NOL6: variants seen among roughly 807,000 people sequenced by gnomAD.
NOL6 encodes the protein nucleolar RNA-associated protein.
Under a neutral mutation model 131.7 loss-of-function variants are expected in NOL6, and 33 were observed. The observed-to-expected ratio is 0.25, with a 90% CI of 0.19 to 0.33. NOL6 has a LOEUF of 0.33. Ranked by LOEUF, NOL6 falls within the 10% of genes least tolerant of loss-of-function variation. The pLI is 1.00. For synonymous variants in NOL6, 580 were observed against 605.7 expected, an observed-to-expected ratio of 0.96 and a Z score of 0.62; for missense variants, 1,297 against 1,494.5, an observed-to-expected ratio of 0.87 and a Z score of 2.18.
At position 33,462,798 on chromosome 9, in the gene NOL6, C is replaced by T. The variant is rs761994679; in HGVS notation, c.3307G>A (p.Gly1103Arg). 1.5e-5 allele frequency: 25 copies of T among 1,613,976 alleles called. No individual in the cohort carries two copies. In the Middle Eastern group the frequency reaches 8.2e-4, roughly 53 times the overall value. Reference sequence around the variant, plus strand: ...CCACCTCGAGACATCACCATGCGCCCCTTTGTGCTGGAGGCCTGGGGAAAT... The same window carrying T: ...CCACCTCGAGACATCACCATGCGCCTCTTTGTGCTGGAGGCCTGGGGAAAT... ...PQPFKASSTK[G>R]RMVMSRGGEL... The change falls in exon 26 of 26, where the codon GGG becomes AGG. Residue 1103 changes from glycine (G) to arginine (R), a missense_variant. Transcript: ENST00000297990.
intron 1 of NOL6, among the ~76,000 whole-genome samples, chr9:33,473,218 G>A (rs1396492436): frequency 6.6e-6 from 1 of 152,200 alleles, no homozygotes; most frequent in Non-Finnish European, 1.5e-5. Flanking sequence ...GACACATTTA[G>A]CAAGTCATTA....
At position 33,465,861 on chromosome 9, in the gene NOL6, G is replaced by A. The variant is rs199616532; in HGVS notation, c.2401C>T (p.Arg801Trp). 2.0e-4 allele frequency: 329 copies of A among 1,614,020 alleles called. No homozygotes were observed. Among genetic ancestry groups the A allele is most frequent in the Non-Finnish European group, 2.4e-4 (288 of 1,179,930 alleles). ...ACCTCCTTCAGGATCTGGGGCTCCC[G>A]CTGATAGGCCACGCGAATCCGAAAC... ...FVFRIRVAYQ[R>W]EPQILKEVQS... The change falls in exon 19 of 26, where the codon CGG (arginine) becomes TGG (tryptophan). Residue 801 changes from arginine (R) to tryptophan (W), a missense_variant. Transcript: ENST00000297990.
chr9:33,464,368 C>A (rs759517491), intron 21 of NOL6, among the ~76,000 whole-genome samples: 5 of 152,110 alleles, frequency 3.3e-5, no homozygotes, highest in Non-Finnish European at 7.4e-5. Context: ...AGCCCAGAGG[C>A]AAAATTTTCC....
In NOL6 at chr9:33,466,582, A is replaced by G; in HGVS notation, c.2078T>C (p.Leu693Pro). Reference sequence around the variant, plus strand: ...GTTGCACCTCACCTCTGTGTAGCGCAGCACTGGGTGAGCTCCCTGAACAGC... The same window carrying G: ...GTTGCACCTCACCTCTGTGTAGCGCGGCACTGGGTGAGCTCCCTGAACAGC... ...VSAVQGAHPV[L>P]RYTEVFPPTP... Residue 693 changes from leucine to proline, a missense_variant, in exon 16 of 26, where the codon CTG becomes CCG. Leu to Pro is a moderately conservative substitution (Grantham distance 98). Transcript: ENST00000297990. The G allele has an allele frequency of 6.2e-7, 1 of 1,614,122 alleles. No homozygotes were observed. Among genetic ancestry groups the G allele is most frequent in the Non-Finnish European group, 8.5e-7 (1 of 1,180,022 alleles).
intron 1 of NOL6, among the ~76,000 whole-genome samples, chr9:33,473,206 A>AG (rs1827462402): frequency 6.6e-6 from 1 of 152,226 alleles, no homozygotes; most frequent in African/African-American, 2.4e-5. Context: ...TGGACCCCAG[A>AG]GGACACATTT....
intron 19 of NOL6, 40 bp downstream of exon 19, chr9:33,465,694 G>A (rs1009159774): frequency 2.5e-6 from 4 of 1,591,264 alleles, no homozygotes; most frequent in Non-Finnish European, 3.4e-6. Flanking sequence ...GGGGCAGGAG[G>A]GGGCCTACAG....
At chr9:33,469,718 G>A (rs1366079556) in intron 4 of NOL6, 51 bp from the exon 5 acceptor site, 2 of 1,580,444 alleles carry the variant, frequency 1.3e-6, no homozygotes, top group Non-Finnish European at 1.7e-6. Flanking sequence ...TGCTTGTGGA[G>A]CTGTGGGCCA....
Position 33,469,594 on chromosome 9 carries a change from G to C in NOL6, c.632C>G (p.Ala211Gly). Residue 211 changes from alanine to glycine, a missense_variant, in exon 5 of 26, where the codon GCT (alanine) becomes GGT (glycine). By Grantham distance (60) the Ala-to-Gly change is moderately conservative (BLOSUM62 0). Coordinates refer to ENST00000297990, the MANE Select transcript of NOL6 (RefSeq NM_022917.5). ...GAGGGGGTCCTGGGCCAGGTGGTGAGCCAAGTGGGCCAGGTAGAGGGCACG... is the reference window on the plus strand; with the variant it reads ...GAGGGGGTCCTGGGCCAGGTGGTGACCCAAGTGGGCCAGGTAGAGGGCACG... ...RKRALYLAHL[A>G]HHLAQDPLFG... The C allele has an allele frequency of 6.2e-7, 1 of 1,610,816 alleles. No homozygotes were observed. Among genetic ancestry groups the C allele is most frequent in the Non-Finnish European group, 8.5e-7 (1 of 1,179,122 alleles).
At chr9:33,468,673 C>T (rs527834565) in intron 8 of NOL6, 79 bp downstream of exon 8, 15 of 1,609,746 alleles carry the variant, frequency 9.3e-6, no homozygotes, top group African/African-American at 6.7e-5. Context: ...GATGGCAAAA[C>T]ACCAAAAGAC....
At chr9:33,470,283 G>T in intron 3 of NOL6, 92 bp from the exon 4 acceptor site, 1 of 1,141,890 alleles carries the variant, frequency 8.8e-7, no homozygotes, top group Non-Finnish European at 1.2e-6. Flanking sequence ...ACATCGATAT[G>T]TTTGAAACCA....
intron 3 of NOL6, 21 bp downstream of exon 3, chr9:33,471,983 T>G (rs1284081207): frequency 6.4e-7 from 1 of 1,568,954 alleles, no homozygotes. Context: ...GGCTTCCCAG[T>G]TCCCCAGGCC....
At position 33,468,585 on chromosome 9, in the gene NOL6, G is replaced by A. The variant is rs576400021; in HGVS notation, c.1148-19C>T. 1.9e-6 allele frequency: 3 copies of A among 1,613,406 alleles called. No homozygotes were observed. The highest frequency in any genetic ancestry group is 2.5e-6 in the Non-Finnish European group (3 of 1,179,342). On this transcript the variant is annotated intron_variant, in intron 8 of 25. Coordinates refer to ENST00000297990, the MANE Select transcript of NOL6 (RefSeq NM_022917.5). ...GTAGTGGCTGAAGTGAATCACAAGT[G>A]TATTAGAAGGTATCCCCTTCTGGGG...
chr9:33,465,876 G>A lies in NOL6; in HGVS notation c.2386C>T (p.Arg796Cys), dbSNP rs765219420. ...TGGGGCTCCCGCTGATAGGCCACGCGAATCCGAAACACAAATCCATCCTGT... is the reference window on the plus strand; with the variant it reads ...TGGGGCTCCCGCTGATAGGCCACGCAAATCCGAAACACAAATCCATCCTGT... The part of the protein sequence containing the change: ...VLKDGFVFRI[R>C]VAYQREPQIL... Residue 796 changes from arginine to cysteine, a missense_variant, in exon 19 of 26, where the codon CGC becomes TGC. Physicochemically the swap from Arg to Cys is radical, Grantham distance 180 (BLOSUM62 -3). Transcript: ENST00000297990. 86 of 1,613,790 alleles carry A rather than the reference G, an allele frequency of 5.3e-5. No homozygotes were observed. Among genetic ancestry groups the A allele is most frequent in the Middle Eastern group, 3.3e-4 (2 of 6,084 alleles).
At position 33,467,989 on chromosome 9, in the gene NOL6, A is replaced by G. The variant is rs747734027; in HGVS notation, c.1424+41T>C. ...TTGCCCCACCACTGTAGCCCCGAAG[A>G]GACAGGACCCGCCAACATACCCTGT... is the stretch of plus-strand genomic sequence containing the variant. On this transcript the variant is annotated intron_variant, in intron 11 of 25. Coordinates refer to ENST00000297990, the MANE Select transcript of NOL6 (RefSeq NM_022917.5). This position sits in a 1 kb window ranked among gnomAD's most constrained non-coding sequence, Gnocchi z 4.4. The G allele has an allele frequency of 3.1e-6, 5 of 1,613,762 alleles. No individual in the cohort carries two copies. The highest frequency in any genetic ancestry group is 4.2e-6 in the Non-Finnish European group (5 of 1,179,806).
intron 20 of NOL6, 36 bp from the exon 21 acceptor site, chr9:33,465,012 A>G (rs755377304): frequency 1.9e-6 from 3 of 1,555,342 alleles, no homozygotes; most frequent in Non-Finnish European, 2.7e-6. Context: ...TCCAGGGCCC[A>G]GCCACATATC....
rs1365609651 is a variant in NOL6, at chr9:33,466,365, A to G, written c.2152T>C (p.Ser718Pro). The G allele has an allele frequency of 6.2e-7, 1 of 1,614,136 alleles. No homozygotes were observed. The highest frequency in any genetic ancestry group is 1.6e-4 in the Middle Eastern group (1 of 6,062). ...TTATCGAGCCGGGGCAGCAGTGAGG[A>G]CCGCTCCCGCAGAGTCTCATAGAAG... ...FSFYETLRER[S>P]SLLPRLDKPC... Residue 718 changes from serine (S) to proline (P), a missense_variant, in exon 17 of 26, where the codon TCC (serine) becomes CCC (proline). By Grantham distance (74) the Ser-to-Pro change is moderately conservative. Transcript: ENST00000297990.
chr9:33,470,154 A>G lies in NOL6; in HGVS notation c.416T>C (p.Val139Ala), dbSNP rs140889075. The G allele has an allele frequency of 3.7e-6, 6 of 1,601,114 alleles. No homozygotes were observed. The East Asian group carries it at 1.4e-4, about 36-fold the overall frequency. The change falls in exon 4 of 26, where the codon GTG becomes GCG. Residue 139 changes from valine (V) to alanine (A), a missense_variant. Transcript: ENST00000297990. ...DQAWLPAGVR[V>A]PLHQVPYAVK... ...GGCATAGGGCACTTGGTGGAGGGGCACTCGAACCCCAGCTGGGAGCCATGC... is the reference window on the plus strand; with the variant it reads ...GGCATAGGGCACTTGGTGGAGGGGCGCTCGAACCCCAGCTGGGAGCCATGC...
Position 33,466,358 on chromosome 9 carries a change from A to G in NOL6, c.2159T>C (p.Leu720Pro). 2.5e-6 allele frequency: 4 copies of G among 1,614,226 alleles called. No individual in the cohort carries two copies. Among genetic ancestry groups the G allele is most frequent in the Non-Finnish European group, 3.4e-6 (4 of 1,180,034 alleles). ...FYETLRERSSLLPRLDKPCPA... is the reference protein window; with the variant it reads ...FYETLRERSSPLPRLDKPCPA... ...ACAGGGCTTATCGAGCCGGGGCAGC[A>G]GTGAGGACCGCTCCCGCAGAGTCTC... is the stretch of plus-strand genomic sequence containing the variant. The change falls in exon 17 of 26, where the codon CTG becomes CCG. Residue 720 changes from leucine (L) to proline (P), a missense_variant. Leu to Pro is a moderately conservative substitution (Grantham distance 98). Transcript: ENST00000297990.
intron 20 of NOL6, 41 bp from the exon 21 acceptor site, chr9:33,465,017 C>T (rs1292393748): frequency 1.3e-6 from 2 of 1,547,926 alleles, no homozygotes. Context: ...GGCCCAGCCA[C>T]ATATCCCCAG....
Sources: allele counts gnomAD v4.1 joint callset (sites outside exome capture counted in the v4.1 genomes callset), GRCh38; gene constraint gnomAD v4.1.1; non-coding constraint Gnocchi (gnomAD v3.1); transcripts MANE v1.5; gene names NCBI Gene and HGNC (gene_info 2026-07-23, HGNC 2026-07-21).